The following QTMAN variants were observed in gnomAD, a reference collection of about 807,000 sequenced individuals.
QTMAN encodes tRNA-queuosine alpha-mannosyltransferase.
At chr2:144,316,976 G>GA in the QTMAN span, among the ~76,000 whole-genome samples, 2 of 152,064 alleles carry the variant, frequency 1.3e-5, no homozygotes, top group African/African-American at 4.8e-5. Context: ...CAAGATTTTG[G>GA]AAAGACAGAA....
chr2:144,216,275 T>C, the QTMAN span, among the ~76,000 whole-genome samples: 3 of 152,224 alleles, frequency 2.0e-5, no homozygotes, highest in Non-Finnish European at 4.4e-5. Context: ...AGTAGAATTA[T>C]ACTTGTTTCA....
At chr2:144,014,027 C>T in the QTMAN span, among the ~76,000 whole-genome samples, 1 of 152,144 alleles carries the variant, frequency 6.6e-6, no homozygotes, top group Non-Finnish European at 1.5e-5. Flanking sequence ...ACACTATCTT[C>T]ACTAAATAAT....
At chr2:143,967,208 C>T in the QTMAN span, among the ~76,000 whole-genome samples, 1 of 152,162 alleles carries the variant, frequency 6.6e-6, no homozygotes, top group Non-Finnish European at 1.5e-5. Flanking sequence ...AAGAAGCACA[C>T]TTTCAATTAA....
chr2:144,110,688 CAAAA>C, the QTMAN span, among the ~76,000 whole-genome samples: 3 of 132,992 alleles, frequency 2.3e-5, no homozygotes, highest in African/African-American at 5.5e-5. Flanking sequence ...GACCCCCCCC[CAAAA>C]AAAAAAAACC....
chr2:144,182,817 A>ATATTATATATATATT, the QTMAN span, among the ~76,000 whole-genome samples: 1 of 62,350 alleles, frequency 1.6e-5, no homozygotes, highest in African/African-American at 9.6e-5. Flanking sequence ...TAATATATAT[A>ATATTATATATATATT]TTATATATAT....
chr2:144,190,201 G>T, the QTMAN span, among the ~76,000 whole-genome samples: 756 of 152,148 alleles, frequency 5.0e-3, 8 homozygotes, highest in African/African-American at 0.017. Context: ...ATCAAGATTG[G>T]CTATTTATTT....
At chr2:143,972,733 A>G in the QTMAN span, among the ~76,000 whole-genome samples, 20 of 152,178 alleles carry the variant, frequency 1.3e-4, 1 homozygote, top group South Asian at 3.1e-3. Context: ...CTTTTTGTTT[A>G]AACTGTAATA....
chr2:144,190,371 C>T, the QTMAN span, among the ~76,000 whole-genome samples: 1 of 152,140 alleles, frequency 6.6e-6, no homozygotes, highest in Non-Finnish European at 1.5e-5. Context: ...AAAAAATATA[C>T]TTACAATGGA....
chr2:144,096,018 A>C, the QTMAN span, among the ~76,000 whole-genome samples: 1,252 of 138,752 alleles, frequency 9.0e-3, 19 homozygotes, highest in African/African-American at 0.031. Flanking sequence ...TCAAAAGCTC[A>C]ATCTACACAA....
At chr2:144,141,503 A>C in the QTMAN span, among the ~76,000 whole-genome samples, 1 of 151,246 alleles carries the variant, frequency 6.6e-6, no homozygotes, top group Non-Finnish European at 1.5e-5. Flanking sequence ...TGACTTATCT[A>C]GACCAGTTCT....
At chr2:144,197,437 T>C in the QTMAN span, among the ~76,000 whole-genome samples, 1 of 152,072 alleles carries the variant, frequency 6.6e-6, no homozygotes, top group Non-Finnish European at 1.5e-5. Context: ...AACATTTACG[T>C]GCATGGAGTA....
At chr2:144,004,240 GCTCAAA>G in the QTMAN span, among the ~76,000 whole-genome samples, 1 of 151,968 alleles carries the variant, frequency 6.6e-6, no homozygotes, top group Non-Finnish European at 1.5e-5. Context: ...GATGGGGGAG[GCTCAAA>G]CTAAGGGGGT....
At chr2:144,112,659 T>C in the QTMAN span, among the ~76,000 whole-genome samples, 3 of 152,206 alleles carry the variant, frequency 2.0e-5, no homozygotes, top group Admixed American at 1.3e-4. Flanking sequence ...GCAGAGAACC[T>C]AGATTTCCAG....
chr2:144,207,819 C>G, the QTMAN span, among the ~76,000 whole-genome samples: 1 of 151,902 alleles, frequency 6.6e-6, no homozygotes, highest in Admixed American at 6.6e-5. Flanking sequence ...TTCAGTGTGT[C>G]CCATAAGACT....
At chr2:143,955,558 A>T in the QTMAN span, among the ~76,000 whole-genome samples, 91 of 152,348 alleles carry the variant, frequency 6.0e-4, 1 homozygote, top group South Asian at 9.1e-3. Context: ...CTAGCAAGGA[A>T]TGTAACCATA....
At chr2:144,249,395 T>C in the QTMAN span, among the ~76,000 whole-genome samples, 117 of 152,302 alleles carry the variant, frequency 7.7e-4, no homozygotes, top group African/African-American at 2.5e-3. Context: ...GAATAGACCA[T>C]GCATGTGTAA....
chr2:144,297,874 C>T, the QTMAN span, among the ~76,000 whole-genome samples: 1 of 150,744 alleles, frequency 6.6e-6, no homozygotes, highest in Admixed American at 6.6e-5. Flanking sequence ...GCCACAGTGC[C>T]GGGCTGGATT....
At chr2:144,287,597 T>C in the QTMAN span, among the ~76,000 whole-genome samples, 1 of 152,184 alleles carries the variant, frequency 6.6e-6, no homozygotes, top group African/African-American at 2.4e-5. Context: ...TGTAAGACCT[T>C]TTTGACAGCA....
chr2:143,946,948 C>T, the QTMAN span: 2 of 795,830 alleles, frequency 2.5e-6, no homozygotes, highest in Non-Finnish European at 4.2e-6. Context: ...GCTCAGCTTC[C>T]TCTGCAGATT....
Sources: gnomAD v4.1 joint callset for allele counts (sites outside exome capture counted in the v4.1 genomes callset) on GRCh38, gnomAD v4.1.1 for gene constraint, MANE v1.5 for transcripts, NCBI Gene and HGNC (gene_info 2026-07-23, HGNC 2026-07-21) for gene names.